The following GALNTL6 variants were observed in gnomAD, a reference collection of about 807,000 sequenced individuals.
GALNTL6 encodes the protein polypeptide N-acetylgalactosaminyltransferase-like 6.
Under a neutral mutation model 73.7 loss-of-function variants are expected in GALNTL6, and 46 were observed. That is an observed-to-expected ratio of 0.62 (90% confidence interval 0.49 to 0.80). GALNTL6 has a LOEUF of 0.80. Among genes scored for constraint, GALNTL6 ranks in the 30% least tolerant of loss-of-function variants. The pLI is 0.00. For synonymous variants in GALNTL6, 259 were observed against 263.7 expected (o/e 0.98, Z 0.17); for missense variants, 604 against 755.0 (o/e 0.80, Z 2.34).
intron 5 of GALNTL6, among the ~76,000 whole-genome samples, chr4:172,446,097 A>T (rs1433581722): frequency 6.6e-6 from 1 of 152,136 alleles, no homozygotes; most frequent in Admixed American, 6.6e-5. Context: ...ATATAATAAA[A>T]TCCTGAATTC....
At chr4:172,927,165 G>C (rs1053877285) in intron 8 of GALNTL6, among the ~76,000 whole-genome samples, 3 of 152,160 alleles carry the variant, frequency 2.0e-5, no homozygotes, top group Non-Finnish European at 2.9e-5. Context: ...TTATAAATAA[G>C]GTAGAGAAAG....
At chr4:171,934,325 A>C (rs1350455795) in intron 2 of GALNTL6, among the ~76,000 whole-genome samples, 2 of 152,242 alleles carry the variant, frequency 1.3e-5, no homozygotes, top group Non-Finnish European at 2.9e-5. Context: ...GGAAGAGTTG[A>C]CACTAATGGT....
intron 5 of GALNTL6, among the ~76,000 whole-genome samples, chr4:172,370,504 G>T (rs12646938): frequency 6.6e-6 from 1 of 151,200 alleles, no homozygotes; most frequent in Non-Finnish European, 1.5e-5. Context: ...GGTGGTGGGC[G>T]CCTGTAGTCC....
intron 9 of GALNTL6, among the ~76,000 whole-genome samples, chr4:172,948,277 C>A (rs958222016): frequency 2.6e-5 from 4 of 152,126 alleles, no homozygotes; most frequent in Non-Finnish European, 5.9e-5. Flanking sequence ...CTTGTTATTG[C>A]CATCTTTGCA....
intron 2 of GALNTL6, among the ~76,000 whole-genome samples, chr4:171,998,291 T>C (rs139121245): frequency 1.3e-5 from 2 of 152,204 alleles, no homozygotes; most frequent in Non-Finnish European, 2.9e-5. Flanking sequence ...TTTTAAGAAA[T>C]TGGTTCATGT....
intron 2 of GALNTL6, among the ~76,000 whole-genome samples, chr4:171,895,852 G>C (rs748063242): frequency 7.3e-5 from 11 of 150,754 alleles, no homozygotes; most frequent in Admixed American, 2.6e-4. Flanking sequence ...TATGAGCAAA[G>C]AAATAATAAT....
At chr4:172,871,499 G>A (rs889445189) in intron 7 of GALNTL6, among the ~76,000 whole-genome samples, 1 of 151,632 alleles carries the variant, frequency 6.6e-6, no homozygotes, top group Non-Finnish European at 1.5e-5. Context: ...TGAGGAAAAT[G>A]TCATAGACTT....
intron 10 of GALNTL6, 76 bp from the exon 11 acceptor site, chr4:173,009,102 C>A (rs1237755945): frequency 1.4e-5 from 13 of 938,190 alleles, no homozygotes; most frequent in South Asian, 2.7e-5. Context: ...CTTACTTAAT[C>A]TACACCATGG....
chr4:172,631,327 CAG>C (rs774072443), intron 5 of GALNTL6, among the ~76,000 whole-genome samples: 13 of 151,692 alleles, frequency 8.6e-5, no homozygotes, highest in African/African-American at 1.2e-4. Context: ...TGTATTTTAG[CAG>C]AGACTGGGTT....
chr4:173,037,901 C>A (rs1292884397), intron 12 of GALNTL6, among the ~76,000 whole-genome samples: 1 of 152,126 alleles, frequency 6.6e-6, no homozygotes, highest in Admixed American at 6.5e-5. Flanking sequence ...CACCACCACG[C>A]CTGGCTAATT....
intron 11 of GALNTL6, 114 bp downstream of exon 11, chr4:173,009,408 T>C: frequency 1.5e-6 from 1 of 685,560 alleles, no homozygotes. Context: ...TTGTGGGACC[T>C]GGAGTGAGGC....
At chr4:172,345,234 G>T (rs114986520) in intron 4 of GALNTL6, among the ~76,000 whole-genome samples, 3,441 of 152,106 alleles carry the variant, frequency 0.023, 123 homozygotes, top group African/African-American at 0.077. Context: ...AGTGTGGTGT[G>T]ACTTTCCAAT....
chr4:172,768,241 G>C (rs1651946650), intron 5 of GALNTL6, among the ~76,000 whole-genome samples: 1 of 152,126 alleles, frequency 6.6e-6, no homozygotes, highest in African/African-American at 2.4e-5. Context: ...ATGGACCCTT[G>C]TTCTCCAGGA....
At chr4:172,475,976 T>C (rs1265839859) in intron 5 of GALNTL6, among the ~76,000 whole-genome samples, 1 of 152,184 alleles carries the variant, frequency 6.6e-6, no homozygotes, top group Non-Finnish European at 1.5e-5. Flanking sequence ...GCCATAATAA[T>C]TTTTTTAGTG....
intron 2 of GALNTL6, among the ~76,000 whole-genome samples, chr4:172,128,769 G>A (rs1733373388): frequency 1.3e-5 from 2 of 152,076 alleles, no homozygotes; most frequent in South Asian, 4.1e-4. Flanking sequence ...CTTTTTGTTT[G>A]TTGTTTGCCA....
At chr4:172,418,020 G>C (rs764993569) in intron 5 of GALNTL6, among the ~76,000 whole-genome samples, 1 of 152,032 alleles carries the variant, frequency 6.6e-6, no homozygotes, top group Non-Finnish European at 1.5e-5. Context: ...CCCACTAAGC[G>C]TCATTAATCC....
intron 5 of GALNTL6, among the ~76,000 whole-genome samples, chr4:172,480,808 G>A (rs939204172): frequency 6.6e-6 from 1 of 152,170 alleles, no homozygotes; most frequent in Non-Finnish European, 1.5e-5. Context: ...CTGGCTAGCT[G>A]TAGTTCAAGT....
intron 7 of GALNTL6, among the ~76,000 whole-genome samples, chr4:172,873,743 A>G (rs943292777): frequency 2.6e-5 from 4 of 152,140 alleles, no homozygotes; most frequent in African/African-American, 7.2e-5. Flanking sequence ...TCTTTTCCTC[A>G]GGTCCTGTTT....
chr4:172,124,231 T>A (rs910869881), intron 2 of GALNTL6, among the ~76,000 whole-genome samples: 1 of 152,190 alleles, frequency 6.6e-6, no homozygotes, highest in East Asian at 1.9e-4. Context: ...TAAATGTAAT[T>A]GAAAGAATAA....
Sources: gnomAD v4.1 joint callset for allele counts (sites outside exome capture counted in the v4.1 genomes callset) on GRCh38, gnomAD v4.1.1 for gene constraint, MANE v1.5 for transcripts, NCBI Gene and HGNC (gene_info 2026-07-23, HGNC 2026-07-21) for gene names.